The following KIF16B variants were observed in gnomAD, a reference collection of about 807,000 sequenced individuals.
The protein encoded by KIF16B is kinesin-like protein KIF16B.
A neutral mutation model predicts 156.3 loss-of-function variants in KIF16B; 98 were observed. The ratio of observed to expected loss-of-function variants is 0.63; its 90% confidence interval spans 0.53 to 0.74. The LOEUF (loss-of-function observed/expected upper bound fraction) is 0.74, where lower values mean the gene tolerates loss of function less well. KIF16B is among the 30% of genes least tolerant of loss of function. The pLI, the probability that KIF16B is intolerant of heterozygous loss-of-function variation, is 0.00. For missense variants in KIF16B, 1,421 were observed against 1,606.5 expected, an observed-to-expected ratio of 0.88 and a Z score of 1.97; for synonymous variants, 564 against 583.7, an observed-to-expected ratio of 0.97 and a Z score of 0.49.
chr20:16,436,718 G>A (rs909719717), intron 12 of KIF16B, among the ~76,000 whole-genome samples: 4 of 152,154 alleles, frequency 2.6e-5, no homozygotes, highest in Non-Finnish European at 4.4e-5. Context: ...CAGTATTGCT[G>A]CTGCAGGCTT....
intron 1 of KIF16B, among the ~76,000 whole-genome samples, chr20:16,555,201 CA>C (rs143956572): frequency 0.057 from 8,619 of 152,290 alleles, 307 homozygotes; most frequent in Admixed American, 0.086. Flanking sequence ...ATGTTGCATT[CA>C]TTGTGCTTAC....
chr20:16,360,640 A>C (rs1242059877), intron 22 of KIF16B, among the ~76,000 whole-genome samples: 3 of 152,250 alleles, frequency 2.0e-5, no homozygotes, highest in Non-Finnish European at 2.9e-5. Context: ...ATATCTGTAC[A>C]TAAGAAGTAT....
At chr20:16,554,635 A>T (rs934754606) in intron 1 of KIF16B, among the ~76,000 whole-genome samples, 1 of 152,214 alleles carries the variant, frequency 6.6e-6, no homozygotes, top group Non-Finnish European at 1.5e-5. Flanking sequence ...GGGCCAAAAC[A>T]TGTCCCTTGC....
intron 15 of KIF16B, among the ~76,000 whole-genome samples, chr20:16,408,620 A>G (rs1012827174): frequency 6.6e-6 from 1 of 152,168 alleles, no homozygotes; most frequent in African/African-American, 2.4e-5. Context: ...GTTAATGGAA[A>G]AATAGAATGG....
chr20:16,429,532 A>C (rs1418205126), intron 13 of KIF16B, among the ~76,000 whole-genome samples: 1 of 152,158 alleles, frequency 6.6e-6, no homozygotes, highest in Admixed American at 6.6e-5. Flanking sequence ...AGGGACCAGG[A>C]AACTGTACAT....
At chr20:16,295,869 A>T (rs2063378796) in intron 25 of KIF16B, among the ~76,000 whole-genome samples, 1 of 152,218 alleles carries the variant, frequency 6.6e-6, no homozygotes, top group Non-Finnish European at 1.5e-5. Context: ...TATGATTCAA[A>T]ATGGTCACGA....
intron 24 of KIF16B, among the ~76,000 whole-genome samples, chr20:16,320,269 C>T (rs552155083): frequency 6.6e-6 from 1 of 152,216 alleles, no homozygotes; most frequent in Admixed American, 6.5e-5. Flanking sequence ...ATCAATCTAC[C>T]TCAATTCCTT....
In KIF16B at chr20:16,381,208, T is replaced by C. The variant is rs73898704; in HGVS notation, c.1838+486A>G. ...TTTCTCCCTCCACCCTGCCCCCCCA[T>C]ACACAAAAGAAAAGTGAGCAAAGAA... is the stretch of plus-strand genomic sequence containing the variant. On this transcript the variant is annotated intron_variant, in intron 18 of 25. Coordinates refer to ENST00000354981, the MANE Select transcript of KIF16B (RefSeq NM_024704.5). Among the ~76,000 whole-genome samples the C allele has an allele frequency of 3.8e-3, 577 of 152,080 alleles. 3 individuals carry two copies. Among genetic ancestry groups the C allele is most frequent in the Middle Eastern group, 0.024 (7 of 294 alleles).
chr20:16,559,165 C>T (rs2070966433), intron 1 of KIF16B, among the ~76,000 whole-genome samples: 1 of 152,080 alleles, frequency 6.6e-6, no homozygotes, highest in Non-Finnish European at 1.5e-5. Context: ...GACCTGTCTT[C>T]CTCCAACTCA....
intron 1 of KIF16B, among the ~76,000 whole-genome samples, chr20:16,563,092 G>A (rs1907692083): frequency 6.6e-6 from 1 of 152,178 alleles, no homozygotes; most frequent in Non-Finnish European, 1.5e-5. Flanking sequence ...ATAAATAAAT[G>A]ACTGATCACA....
chr20:16,472,713 C>T (rs556816476), intron 12 of KIF16B, among the ~76,000 whole-genome samples: 19 of 152,224 alleles, frequency 1.2e-4, no homozygotes, highest in Middle Eastern at 3.4e-3. Flanking sequence ...CGCGCTCTCA[C>T]TACACTGTGT....
chr20:16,411,974 C>G (rs1358898988), intron 15 of KIF16B, among the ~76,000 whole-genome samples: 5 of 117,122 alleles, frequency 4.3e-5, no homozygotes, highest in Non-Finnish European at 8.7e-5. Context: ...GTGTGTGTGA[C>G]TCATTGCTAA....
intron 1 of KIF16B, among the ~76,000 whole-genome samples, chr20:16,554,326 C>T (rs909650994): frequency 2.0e-5 from 3 of 152,142 alleles, no homozygotes; most frequent in East Asian, 1.9e-4. Flanking sequence ...TGCCAGCTGC[C>T]GAGAGGATTT....
chr20:16,522,594 A>C (rs1204487305), intron 3 of KIF16B, among the ~76,000 whole-genome samples: 1 of 152,200 alleles, frequency 6.6e-6, no homozygotes, highest in African/African-American at 2.4e-5. Context: ...CCCCACTGTC[A>C]ATATTAGACA....
rs368839273 is a variant in KIF16B, at chr20:16,512,801, C to T, written c.446+25G>A. 19 of 1,530,714 alleles carry T rather than the reference C, an allele frequency of 1.2e-5. No homozygotes were observed. The African/African-American group carries it at 2.4e-4, about 20-fold the overall frequency. 94.8% of individuals were successfully genotyped at this position (1,530,714 alleles called of 1,614,324 possible). A position where few individuals can be genotyped will look rare whatever the true frequency, so the allele number is the denominator to read the frequency against. ...CATTGACTCTAATCAAGCTCACACA[C>T]AGTTACCCAGGCCACAGGCCCTACC... On this transcript the variant is annotated intron_variant, in intron 5 of 25. Coordinates refer to ENST00000354981, the MANE Select transcript of KIF16B (RefSeq NM_024704.5).
intron 15 of KIF16B, among the ~76,000 whole-genome samples, chr20:16,418,212 T>C (rs1421530825): frequency 6.6e-6 from 1 of 152,124 alleles, no homozygotes; most frequent in Non-Finnish European, 1.5e-5. Context: ...ATGACAAATA[T>C]ATGTCTCATG....
intron 1 of KIF16B, among the ~76,000 whole-genome samples, chr20:16,571,633 T>TC (rs2071456506): frequency 1.4e-5 from 2 of 140,616 alleles, no homozygotes; most frequent in South Asian, 4.2e-4. Context: ...AACAAATACT[T>TC]TTTTTTTTTT....
chr20:16,437,984 AAT>A (rs1491215212), intron 12 of KIF16B, among the ~76,000 whole-genome samples: 8 of 123,892 alleles, frequency 6.5e-5, no homozygotes, highest in East Asian at 2.2e-4. Context: ...AATAAAAAAA[AAT>A]AATAAAAAAA....
chr20:16,429,178 G>T (rs1305271023), intron 13 of KIF16B, among the ~76,000 whole-genome samples, 174 bp from the exon 14 acceptor site: 1 of 152,186 alleles, frequency 6.6e-6, no homozygotes, highest in Non-Finnish European at 1.5e-5. Context: ...AGCCCCAGTT[G>T]TCTGGAAAGG....
Sources: gnomAD v4.1 joint callset for allele counts (sites outside exome capture counted in the v4.1 genomes callset) on GRCh38, gnomAD v4.1.1 for gene constraint, MANE v1.5 for transcripts, NCBI Gene and HGNC (gene_info 2026-07-23, HGNC 2026-07-21) for gene names.